Variants in ABCC9 observed in about 807,000 individuals in gnomAD.
ABCC9 encodes the protein ATP binding cassette subfamily C member 9.
Under a neutral mutation model 188.3 loss-of-function variants are expected in ABCC9, and 95 were observed. The ratio of observed to expected loss-of-function variants is 0.50; its 90% confidence interval spans 0.43 to 0.60. ABCC9 has a LOEUF of 0.60. Ranked by LOEUF, ABCC9 falls within the 20% of genes least tolerant of loss-of-function variation. The pLI is 0.00. For synonymous variants in ABCC9, 659 were observed against 652.7 expected, an observed-to-expected ratio of 1.01 and a Z score of -0.15; for missense variants, 1,102 against 1,876.3, an observed-to-expected ratio of 0.59 and a Z score of 7.62.
At position 21,912,951 on chromosome 12, in the gene ABCC9, CCCAGTAAATCAG is replaced by C; in HGVS notation, c.920_931del (p.Ala307_Leu310del). ...AGAAATACAAAGAGGTCCAGCAAAA[CCCAGTAAATCAG>C]CCAGATAGCGGAATGTGCTACTAAG... On this transcript the variant is annotated inframe_deletion, in exon 8 of 40. Transcript: ENST00000261200. The C allele has an allele frequency of 6.2e-7, 1 of 1,613,590 alleles. No homozygotes were observed. Among genetic ancestry groups the C allele is most frequent in the Non-Finnish European group, 8.5e-7 (1 of 1,179,718 alleles).
intron 38 of ABCC9, 124 bp downstream of exon 38, chr12:21,807,222 G>T: frequency 1.5e-6 from 2 of 1,318,782 alleles, no homozygotes; most frequent in Non-Finnish European, 2.2e-6. Flanking sequence ...TCCAGTAGAT[G>T]ATTGAGCAGA....
chr12:21,813,119 C>T (rs1942373360), intron 35 of ABCC9, among the ~76,000 whole-genome samples: 1 of 152,246 alleles, frequency 6.6e-6, no homozygotes, highest in East Asian at 1.9e-4. Context: ...AGAATACAAG[C>T]TCTTTAAAAA....
At chr12:21,906,422 T>G in intron 11 of ABCC9, 134 bp from the exon 12 acceptor site, 1 of 868,180 alleles carries the variant, frequency 1.2e-6, no homozygotes, top group Non-Finnish European at 1.8e-6. Flanking sequence ...GGTTGTGAAG[T>G]TCCCAGGAGA....
At chr12:21,899,955 G>A (rs1435271238) in intron 12 of ABCC9, among the ~76,000 whole-genome samples, 1 of 152,314 alleles carries the variant, frequency 6.6e-6, no homozygotes, top group African/African-American at 2.4e-5. Flanking sequence ...CAGCTTTGAA[G>A]AGAGTAGTGG....
At position 21,941,158 on chromosome 12, in the gene ABCC9, A is replaced by C. The variant is rs1235532366; in HGVS notation, c.-137+42T>G. ...CGACAACTTACAGTTATTCCTAAAA[A>C]TGTTTAAATGGCATTCATGTAAAAG... On this transcript the variant is annotated intron_variant, in intron 1 of 39. Coordinates refer to ENST00000261200, the MANE Select transcript of ABCC9 (RefSeq NM_020297.4). The surrounding 1 kb of genome is among the most constrained non-coding windows in gnomAD (Gnocchi z 5.4). 1 of 152,268 alleles carries C rather than the reference A, an allele frequency of 6.6e-6. No homozygotes were observed. Among genetic ancestry groups the C allele is most frequent in the East Asian group, 1.9e-4 (1 of 5,192 alleles). The allele number at this position is 152,268 out of a possible 1,614,324, so 9.4% of individuals were successfully genotyped here. A position where few individuals can be genotyped will look rare whatever the true frequency, so the allele number is the denominator to read the frequency against.
chr12:21,832,321 T>C (rs962066255), intron 30 of ABCC9, among the ~76,000 whole-genome samples: 1 of 152,158 alleles, frequency 6.6e-6, no homozygotes, highest in African/African-American at 2.4e-5. Context: ...TCAGTAAATA[T>C]TAACTTTCCA....
intron 39 of ABCC9, among the ~76,000 whole-genome samples, chr12:21,804,742 A>G (rs1056638956): frequency 6.6e-6 from 1 of 152,218 alleles, no homozygotes; most frequent in Non-Finnish European, 1.5e-5. Flanking sequence ...GCATCATCCA[A>G]GAAAGTGGAA....
At chr12:21,816,036 GTTTTTTTTTTTTTTTTTTTTTTTTT>G (rs10611051) in intron 33 of ABCC9, 143 bp from the exon 34 acceptor site, 2,842 of 58,334 alleles carry the variant, frequency 0.049, 132 homozygotes, top group African/African-American at 0.16. Context: ...CTATGTGGCA[GTTTTTTTTTTTTTTTTTTTTTTTTT>G]TTTTTTTTTT....
At chr12:21,882,926 G>A in intron 15 of ABCC9, 53 bp from the exon 16 acceptor site, 4 of 1,420,506 alleles carry the variant, frequency 2.8e-6, no homozygotes, top group Non-Finnish European at 4.0e-6. Flanking sequence ...AAAAAATGAA[G>A]TTTTACTGAA....
intron 37 of ABCC9, among the ~76,000 whole-genome samples, chr12:21,807,951 T>G (rs907142022): frequency 6.6e-6 from 1 of 152,156 alleles, no homozygotes; most frequent in South Asian, 2.1e-4. Context: ...GGTTTATTTT[T>G]TTTTTGTCAG....
In ABCC9 at chr12:21,833,587, G is replaced by T. The variant is rs545149897; in HGVS notation, c.3566+4491C>A. 7.2e-5 allele frequency among the ~76,000 whole-genome samples: 11 copies of T among 152,082 alleles called. No individual in the cohort carries two copies. The South Asian group carries it at 1.5e-3, about 20-fold the overall frequency. On this transcript the variant is annotated intron_variant, in intron 30 of 39. Transcript: ENST00000261200. ...TTCCTCATTCCCTTCACGATGCTCTGCCTTGTTCTTGTCCCCATCCCTCTC... is the reference window on the plus strand; with the variant it reads ...TTCCTCATTCCCTTCACGATGCTCTTCCTTGTTCTTGTCCCCATCCCTCTC...
At chr12:21,849,506 GAAATA>G (rs1212799469) in intron 24 of ABCC9, among the ~76,000 whole-genome samples, 2 of 151,938 alleles carry the variant, frequency 1.3e-5, no homozygotes, top group African/African-American at 2.4e-5. Context: ...ATCATATAAT[GAAATA>G]AAATAAACCT....
intron 14 of ABCC9, among the ~76,000 whole-genome samples, chr12:21,892,923 CAT>C (rs1565454796): frequency 6.6e-6 from 1 of 152,142 alleles, no homozygotes; most frequent in Non-Finnish European, 1.5e-5. Context: ...CATGATACTT[CAT>C]ATATTTAAAG....
intron 29 of ABCC9, among the ~76,000 whole-genome samples, chr12:21,839,946 T>A (rs998945514): frequency 5.3e-5 from 8 of 152,194 alleles, no homozygotes; most frequent in Non-Finnish European, 1.2e-4. Flanking sequence ...CTGTTATTTT[T>A]AAACATAAAA....
intron 12 of ABCC9, among the ~76,000 whole-genome samples, chr12:21,904,143 A>G (rs1443513003): frequency 6.8e-6 from 1 of 147,068 alleles, no homozygotes; most frequent in African/African-American, 2.5e-5. Context: ...CAACCATCTG[A>G]TCTTTGACAA....
intron 4 of ABCC9, 48 bp from the exon 5 acceptor site, chr12:21,926,111 TTTC>T: frequency 6.2e-7 from 1 of 1,612,810 alleles, no homozygotes; most frequent in Non-Finnish European, 8.5e-7. Flanking sequence ...TTCCAGATAA[TTTC>T]TTATTTTTTT....
intron 26 of ABCC9, 59 bp downstream of exon 26, chr12:21,845,544 A>G: frequency 1.5e-6 from 2 of 1,335,850 alleles, no homozygotes; most frequent in South Asian, 2.4e-5. Flanking sequence ...ATAAGAAGGT[A>G]TCACTGTTAA....
chr12:21,936,077 G>A (rs1271822025), intron 3 of ABCC9, among the ~76,000 whole-genome samples: 1 of 152,054 alleles, frequency 6.6e-6, no homozygotes, highest in Non-Finnish European at 1.5e-5. Flanking sequence ...CACCTCCAAA[G>A]AGTGAGTTGT....
At chr12:21,819,935 C>T (rs1013215540) in intron 31 of ABCC9, among the ~76,000 whole-genome samples, 3 of 152,144 alleles carry the variant, frequency 2.0e-5, no homozygotes, top group African/African-American at 7.2e-5. Context: ...CAACTTGCCA[C>T]ACCCCTACTA....
Sources: gnomAD v4.1 joint callset for allele counts (sites outside exome capture counted in the v4.1 genomes callset) on GRCh38, gnomAD v4.1.1 for gene constraint, Gnocchi (gnomAD v3.1) non-coding constraint, MANE v1.5 for transcripts, NCBI Gene and HGNC (gene_info 2026-07-23, HGNC 2026-07-21) for gene names.